The following CDK15 variants were observed in gnomAD, a reference collection of about 807,000 sequenced individuals.
The protein encoded by CDK15 is cyclin dependent kinase 15, also known as cyclin-dependent kinase 15.
Under a neutral mutation model 60.3 loss-of-function variants are expected in CDK15, and 62 were observed. That is an observed-to-expected ratio of 1.03 (90% CI 0.84 to 1.27). The LOEUF is 1.27. Ranked by LOEUF, CDK15 falls within the 50% of genes most tolerant of loss-of-function variation. The pLI is 0.00. For synonymous variants in CDK15, 194 were observed against 195.7 expected (o/e 0.99, Z 0.07); for missense variants, 541 against 527.8 (o/e 1.03, Z -0.25).
chr2:201,860,433 T>C (rs138011889), intron 10 of CDK15, among the ~76,000 whole-genome samples: 132 of 152,318 alleles, frequency 8.7e-4, no homozygotes, highest in Admixed American at 5.2e-3. Flanking sequence ...CTTGTTCCCA[T>C]AAAGAAGGGA....
chr2:201,810,484 G>A (rs193115212), intron 3 of CDK15, among the ~76,000 whole-genome samples: 3 of 151,724 alleles, frequency 2.0e-5, no homozygotes, highest in Non-Finnish European at 1.5e-5. Flanking sequence ...GCAAAAATAT[G>A]AGCAACCAAA....
intron 6 of CDK15, among the ~76,000 whole-genome samples, chr2:201,832,246 A>G (rs1308171698): frequency 6.6e-6 from 1 of 152,124 alleles, no homozygotes; most frequent in Non-Finnish European, 1.5e-5. Flanking sequence ...GAGTTTCACC[A>G]CATTGGCCAG....
At chr2:201,867,072 A>G (rs10192903) in intron 10 of CDK15, among the ~76,000 whole-genome samples, 25,972 of 152,156 alleles carry the variant, frequency 0.17, 2,426 homozygotes, top group African/African-American at 0.2. Flanking sequence ...ACGAGAACTG[A>G]ATTTTCCCTT....
chr2:201,842,117 C>G (rs1697415784), intron 8 of CDK15, among the ~76,000 whole-genome samples: 1 of 152,168 alleles, frequency 6.6e-6, no homozygotes, highest in South Asian at 2.1e-4. Flanking sequence ...CAAACTCAAA[C>G]TCTGCACGTA....
intron 12 of CDK15, among the ~76,000 whole-genome samples, chr2:201,881,952 G>A (rs764814477): frequency 6.6e-6 from 1 of 152,018 alleles, no homozygotes; most frequent in Non-Finnish European, 1.5e-5. Flanking sequence ...TTCCCCATTG[G>A]CCCTCCTTTA....
intron 9 of CDK15, among the ~76,000 whole-genome samples, chr2:201,851,615 A>C (rs1043533627): frequency 6.6e-6 from 1 of 152,194 alleles, no homozygotes; most frequent in Non-Finnish European, 1.5e-5. Flanking sequence ...AAGTTTCAAC[A>C]TGAATTATGA....
At chr2:201,814,372 G>T (rs191753483) in intron 4 of CDK15, among the ~76,000 whole-genome samples, 11 of 152,304 alleles carry the variant, frequency 7.2e-5, no homozygotes, top group Admixed American at 7.2e-4. Flanking sequence ...TGCTTTGCTC[G>T]TGTAATATTA....
intron 12 of CDK15, among the ~76,000 whole-genome samples, chr2:201,887,297 T>C (rs552937430): frequency 6.6e-6 from 1 of 152,324 alleles, no homozygotes; most frequent in African/African-American, 2.4e-5. Context: ...TGAAAATTAA[T>C]ATGCACATGA....
chr2:201,864,254 G>A (rs1001552384), intron 10 of CDK15, among the ~76,000 whole-genome samples: 2 of 152,258 alleles, frequency 1.3e-5, no homozygotes, highest in African/African-American at 4.8e-5. Flanking sequence ...GAAAGAACAG[G>A]AAAATAAAAG....
intron 3 of CDK15, among the ~76,000 whole-genome samples, chr2:201,810,948 G>A (rs796790066): frequency 1.7e-4 from 25 of 144,892 alleles, no homozygotes; most frequent in African/African-American, 6.4e-4. Context: ...GGGTTCAAGC[G>A]ATTCTCCTCT....
At chr2:201,860,213 G>A (rs938083124) in intron 10 of CDK15, among the ~76,000 whole-genome samples, 1 of 152,176 alleles carries the variant, frequency 6.6e-6, no homozygotes, top group Non-Finnish European at 1.5e-5. Flanking sequence ...ACTCAAAAGC[G>A]CTGAGTTTAA....
rs950962569 is a variant in CDK15 at position 201,810,539 on chromosome 2, A to G, written c.369-1944A>G. Among the ~76,000 whole-genome samples, 13 of 152,334 alleles carry G rather than the reference A, an allele frequency of 8.5e-5. No individual in the cohort carries two copies. The East Asian group carries it at 1.9e-3, about 23-fold the overall frequency. ...AACCCAAAGTATAAAATAAATATCT[A>G]TGAGTCCGTACTGATATAAATAAAT... On this transcript the variant is annotated intron_variant, in intron 3 of 13. Transcript: ENST00000652192.
intron 8 of CDK15, among the ~76,000 whole-genome samples, chr2:201,836,329 G>A (rs1467144055): frequency 6.7e-6 from 1 of 148,666 alleles, no homozygotes; most frequent in East Asian, 1.9e-4. Context: ...TCAGCCTTCT[G>A]AGTAGCTCTA....
chr2:201,825,382 G>A (rs189757715), intron 6 of CDK15, among the ~76,000 whole-genome samples: 126 of 151,972 alleles, frequency 8.3e-4, no homozygotes, highest in African/African-American at 2.8e-3. Flanking sequence ...GAAGCAAAGT[G>A]CTAAAGCCTA....
At chr2:201,839,514 A>G (rs1410201040) in intron 8 of CDK15, among the ~76,000 whole-genome samples, 1 of 152,164 alleles carries the variant, frequency 6.6e-6, no homozygotes, top group Admixed American at 6.6e-5. Context: ...AGATAGGGGT[A>G]TTGGATGAAT....
At chr2:201,834,855 ATTTG>A (rs1460824492) in intron 7 of CDK15, among the ~76,000 whole-genome samples, 2 of 152,248 alleles carry the variant, frequency 1.3e-5, no homozygotes, top group African/African-American at 4.8e-5. Flanking sequence ...TTTAACAGAT[ATTTG>A]TTTATCAATT....
chr2:201,859,085 C>A (rs753488251), intron 10 of CDK15, among the ~76,000 whole-genome samples: 1 of 152,132 alleles, frequency 6.6e-6, no homozygotes, highest in Non-Finnish European at 1.5e-5. Context: ...CGGGGCTGCG[C>A]GGGCCTCCTG....
chr2:201,818,425 A>T lies in CDK15; in HGVS notation c.449-4384A>T, dbSNP rs74603045. On this transcript the variant is annotated intron_variant, in intron 4 of 13. Coordinates refer to ENST00000652192, the MANE Select transcript of CDK15 (RefSeq NM_001366386.2). Reference sequence around the variant, plus strand: ...TGAGACTCAGAATGCTAATTTTAGGATCTTTGCCCTTCTCAGTTGACTTTT... The same window carrying T: ...TGAGACTCAGAATGCTAATTTTAGGTTCTTTGCCCTTCTCAGTTGACTTTT... 4.7e-4 allele frequency among the ~76,000 whole-genome samples: 72 copies of T among 152,344 alleles called. No individual in the cohort carries two copies. In the East Asian group the frequency reaches 0.013, roughly 28 times the overall value.
At chr2:201,819,029 A>T (rs1431569700) in intron 4 of CDK15, among the ~76,000 whole-genome samples, 1 of 152,178 alleles carries the variant, frequency 6.6e-6, no homozygotes, top group Non-Finnish European at 1.5e-5. Flanking sequence ...AATTGTGGAG[A>T]CAGACAATAA....
Sources: gnomAD v4.1 joint callset for allele counts (sites outside exome capture counted in the v4.1 genomes callset) on GRCh38, gnomAD v4.1.1 for gene constraint, MANE v1.5 for transcripts, NCBI Gene and HGNC (gene_info 2026-07-23, HGNC 2026-07-21) for gene names.